The following VAPB variants were observed in gnomAD, a reference collection of about 807,000 sequenced individuals.
The protein encoded by VAPB is VAMP associated protein B and C, also known as vesicle-associated membrane protein-associated protein B/C.
In VAPB, 7 loss-of-function variants were observed where a neutral mutation model predicts 25.6. That is an observed-to-expected ratio of 0.27 (90% CI 0.16 to 0.51). VAPB has a LOEUF of 0.51. VAPB is among the 20% of genes least tolerant of loss of function. The pLI is 0.97. For missense variants in VAPB, 266 were observed against 301.3 expected (o/e 0.88, Z 0.87); for synonymous variants, 112 against 109.2 (o/e 1.03, Z -0.16).
In VAPB at chr20:58,418,242, A is replaced by G; in HGVS notation, c.90A>G (p.Leu30=). 1 of 1,614,148 alleles carries G rather than the reference A, an allele frequency of 6.2e-7. No homozygotes were observed. Among genetic ancestry groups the G allele is most frequent in the African/African-American group, 1.3e-5 (1 of 75,016 alleles). ...TCACCGATGTTGTCACCACCAACCT[A>G]AAGCTTGGCAACCCGACAGACCGAA... ...GPFTDVVTTN[L]KLGNPTDRNV... Residue 30 remains leucine (L), a synonymous_variant, in exon 2 of 6, where the codon CTA becomes CTG. Transcript: ENST00000475243.
chr20:58,396,384 A>G (rs1987959909), intron 1 of VAPB, among the ~76,000 whole-genome samples: 1 of 152,200 alleles, frequency 6.6e-6, no homozygotes, highest in African/African-American at 2.4e-5. Context: ...GCCTTTGCCC[A>G]TCTGGGAAGT....
chr20:58,402,982 G>A (rs1988135494), intron 1 of VAPB, among the ~76,000 whole-genome samples: 2 of 152,142 alleles, frequency 1.3e-5, no homozygotes, highest in Admixed American at 1.3e-4. Flanking sequence ...TCCACTCTGG[G>A]TGACAGAGCA....
At chr20:58,443,936 G>A in intron 5 of VAPB, 141 bp from the exon 6 acceptor site, 1 of 1,202,820 alleles carries the variant, frequency 8.3e-7, no homozygotes, top group South Asian at 1.3e-5. Context: ...GTAGCCTGCA[G>A]TTTCTCCGTT....
intron 3 of VAPB, among the ~76,000 whole-genome samples, chr20:58,437,691 A>C (rs1370877011): frequency 6.6e-6 from 1 of 152,178 alleles, no homozygotes; most frequent in Non-Finnish European, 1.5e-5. Context: ...GCAGAGGAGC[A>C]GACTTCAGTA....
rs934795084 is a variant in VAPB, at chr20:58,447,448, T to C, written c.*3213T>C. On this transcript the variant is annotated 3_prime_UTR_variant, in exon 6 of 6. Transcript: ENST00000475243. ...AGTTTATGGCTAGAGAGACGACTTA[T>C]ACCTCCATAACACAGAAGGGGGAAA... 7 of 453,958 alleles carry C rather than the reference T, an allele frequency of 1.5e-5. No individual in the cohort carries two copies. Among genetic ancestry groups the C allele is most frequent in the African/African-American group, 1.4e-4 (7 of 49,994 alleles). The allele number at this position is 453,958 out of a possible 1,614,324, so 28.1% of individuals were successfully genotyped here.
chr20:58,396,094 G>A (rs564585821), intron 1 of VAPB, among the ~76,000 whole-genome samples: 31 of 151,074 alleles, frequency 2.1e-4, no homozygotes, highest in Non-Finnish European at 4.0e-4. Flanking sequence ...GCATAGTCCC[G>A]TGAGAAAACC....
In VAPB at chr20:58,389,410, G is replaced by T. The variant is rs1178540389; in HGVS notation, c.-50G>T. The T allele has an allele frequency of 2.0e-6, 3 of 1,475,978 alleles. No homozygotes were observed. Among genetic ancestry groups the T allele is most frequent in the African/African-American group, 2.9e-5 (2 of 68,436 alleles). The allele number at this position is 1,475,978 out of a possible 1,614,324, so 91.4% of individuals were successfully genotyped here. On this transcript the variant is annotated 5_prime_UTR_variant, in exon 1 of 6. Coordinates refer to ENST00000475243, the MANE Select transcript of VAPB (RefSeq NM_004738.5). ...GCGCAGCATTAACGCTTCCCGCCCC[G>T]GTGACCTCTCAGGGGTCTCCCCGCC...
chr20:58,403,989 A>G (rs552393505), intron 1 of VAPB, among the ~76,000 whole-genome samples: 4 of 152,174 alleles, frequency 2.6e-5, no homozygotes, highest in Non-Finnish European at 4.4e-5. Flanking sequence ...AGCATCTCCT[A>G]TGCCCTTTTG....
intron 2 of VAPB, among the ~76,000 whole-genome samples, chr20:58,419,798 C>T (rs780231374): frequency 1.3e-5 from 2 of 152,114 alleles, no homozygotes; most frequent in African/African-American, 2.4e-5. Context: ...TTCCCCCCCT[C>T]GATTTCCATG....
intron 1 of VAPB, among the ~76,000 whole-genome samples, chr20:58,396,300 G>A (rs1470371926): frequency 1.3e-5 from 2 of 152,118 alleles, no homozygotes; most frequent in Admixed American, 1.3e-4. Context: ...ACCTCGTGTT[G>A]TGTAGGGCAC....
chr20:58,441,360 G>C (rs187101575), intron 5 of VAPB, among the ~76,000 whole-genome samples: 4 of 151,978 alleles, frequency 2.6e-5, no homozygotes. Flanking sequence ...CAAAAAACTT[G>C]GCCGGGTGCG....
chr20:58,402,435 T>G (rs1332578448), intron 1 of VAPB, among the ~76,000 whole-genome samples: 1 of 152,208 alleles, frequency 6.6e-6, no homozygotes, highest in Non-Finnish European at 1.5e-5. Flanking sequence ...TTCTTCAAGG[T>G]AACTGTCCTG....
rs1004008556 is a variant in VAPB at position 58,447,544 on chromosome 20, C to T, written c.*3309C>T. The T allele has an allele frequency of 1.8e-5, 8 of 453,972 alleles. No individual in the cohort carries two copies. The highest frequency in any genetic ancestry group is 2.6e-5 in the Non-Finnish European group (6 of 226,800). 28.1% of individuals were successfully genotyped at this position (453,972 alleles called of 1,614,324 possible). A position where few individuals can be genotyped will look rare whatever the true frequency, so the allele number is the denominator to read the frequency against. On this transcript the variant is annotated 3_prime_UTR_variant, in exon 6 of 6. Coordinates refer to ENST00000475243, the MANE Select transcript of VAPB (RefSeq NM_004738.5). The stretch of plus-strand genomic sequence containing the variant: ...CAAATCCCAGGAACAGAATTGCTAT[C>T]GAAAGATATCATTGCCCAGTTTGCA...
chr20:58,407,216 A>G (rs971027136), intron 1 of VAPB, among the ~76,000 whole-genome samples: 3 of 152,210 alleles, frequency 2.0e-5, no homozygotes, highest in African/African-American at 7.2e-5. Flanking sequence ...ATTTATCTTT[A>G]GATGGTTTCT....
In VAPB at chr20:58,418,302, T is replaced by G; in HGVS notation, c.150T>G (p.Arg50=). ...TTAAGGTGAAGACTACAGCACCACG[T>G]AGGTACTGTGTGAGGCCCAACAGCG... ...VCFKVKTTAP[R]RYCVRPNSGI... is the part of the protein sequence containing the mutation. Residue 50 remains arginine, a synonymous_variant, in exon 2 of 6, where the codon CGT becomes CGG. Transcript: ENST00000475243. 1 of 1,614,194 alleles carries G rather than the reference T, an allele frequency of 6.2e-7. No homozygotes were observed. Among genetic ancestry groups the G allele is most frequent in the South Asian group, 1.1e-5 (1 of 91,082 alleles).
intron 1 of VAPB, among the ~76,000 whole-genome samples, chr20:58,392,996 C>A (rs1243660685): frequency 2.6e-5 from 4 of 152,136 alleles, no homozygotes; most frequent in Non-Finnish European, 4.4e-5. Context: ...AGTAAGTGAA[C>A]ATTAAGCTCT....
At chr20:58,390,835 T>G (rs895224391) in intron 1 of VAPB, among the ~76,000 whole-genome samples, 2 of 150,330 alleles carry the variant, frequency 1.3e-5, no homozygotes, top group African/African-American at 5.0e-5. Context: ...GTTCACGCTC[T>G]TAACCGTTTT....
intron 1 of VAPB, among the ~76,000 whole-genome samples, chr20:58,400,108 C>G (rs1988061104): frequency 1.3e-5 from 2 of 152,164 alleles, no homozygotes; most frequent in Non-Finnish European, 2.9e-5. Context: ...TGAATTTGTA[C>G]CCGGGTCTTA....
At chr20:58,411,773 G>C (rs571433949) in intron 1 of VAPB, among the ~76,000 whole-genome samples, 1 of 152,160 alleles carries the variant, frequency 6.6e-6, no homozygotes, top group Non-Finnish European at 1.5e-5. Context: ...CCGCCTCCCT[G>C]GTTCAGGCCA....
Sources: gnomAD v4.1 joint callset for allele counts (sites outside exome capture counted in the v4.1 genomes callset) on GRCh38, gnomAD v4.1.1 for gene constraint, MANE v1.5 for transcripts, NCBI Gene and HGNC (gene_info 2026-07-23, HGNC 2026-07-21) for gene names.